The following MBD5 variants were observed in gnomAD, a reference collection of about 807,000 sequenced individuals.
MBD5 encodes methyl-CpG-binding domain protein 5.
A neutral mutation model predicts 117.3 loss-of-function variants in MBD5; 13 were observed. The ratio of observed to expected loss-of-function variants is 0.11; its 90% CI spans 0.07 to 0.18. MBD5 has a LOEUF of 0.18. Ranked by LOEUF, MBD5 falls within the 10% of genes least tolerant of loss-of-function variation. MBD5 has a pLI of 1.00. For missense variants in MBD5, 1,879 were observed against 2,093.8 expected (o/e 0.90, Z 2.00); for synonymous variants, 727 against 766.4 (o/e 0.95, Z 0.85).
At chr2:148,152,388 T>C (rs1697704296) in intron 1 of MBD5, among the ~76,000 whole-genome samples, 1 of 152,206 alleles carries the variant, frequency 6.6e-6, no homozygotes, top group African/African-American at 2.4e-5. Context: ...ATAGGTGTGG[T>C]GCGGTGCTGA....
chr2:148,083,731 G>A (rs927559490), intron 1 of MBD5, among the ~76,000 whole-genome samples: 1 of 152,040 alleles, frequency 6.6e-6, no homozygotes, highest in South Asian at 2.1e-4. Context: ...GGGTTCAAGT[G>A]ATTCTCCTGC....
At chr2:148,242,982 G>A (rs1700249570) in intron 3 of MBD5, among the ~76,000 whole-genome samples, 1 of 152,200 alleles carries the variant, frequency 6.6e-6, no homozygotes, top group African/African-American at 2.4e-5. Context: ...GAAACTGGTT[G>A]AGGTTGCATT....
intron 11 of MBD5, among the ~76,000 whole-genome samples, chr2:148,495,460 G>A (rs1038635704): frequency 2.6e-5 from 4 of 151,906 alleles, no homozygotes; most frequent in African/African-American, 9.7e-5. Flanking sequence ...TACTTTTTGA[G>A]CATCCTCCCA....
At chr2:148,439,850 T>TGCC (rs1423680372) in intron 4 of MBD5, among the ~76,000 whole-genome samples, 1 of 151,872 alleles carries the variant, frequency 6.6e-6, no homozygotes, top group Non-Finnish European at 1.5e-5. Context: ...GCATTCCTTC[T>TGCC]GCCTCAGTCT....
intron 4 of MBD5, among the ~76,000 whole-genome samples, chr2:148,411,939 A>G (rs990894505): frequency 1.5e-4 from 23 of 152,084 alleles, no homozygotes; most frequent in Middle Eastern, 3.4e-3. Context: ...GTCTAGAACG[A>G]TATTTCCAAG....
chr2:148,122,773 C>A (rs547909670), intron 1 of MBD5, among the ~76,000 whole-genome samples: 1 of 152,042 alleles, frequency 6.6e-6, no homozygotes, highest in African/African-American at 2.4e-5. Context: ...AGTGAATAAG[C>A]GAATAATTAT....
chr2:148,264,372 G>C (rs1700807231), intron 3 of MBD5: 1 of 152,234 alleles, frequency 6.6e-6, no homozygotes. Flanking sequence ...AATTAAGACT[G>C]AGAGAGGTTA....
intron 2 of MBD5, among the ~76,000 whole-genome samples, chr2:148,202,550 G>A (rs1699170984): frequency 6.6e-6 from 1 of 152,152 alleles, no homozygotes; most frequent in Non-Finnish European, 1.5e-5. Context: ...GGCCAGAAAT[G>A]TAAGGGGCTT....
intron 4 of MBD5, chr2:148,346,697 A>T (rs1156704523): frequency 6.6e-6 from 1 of 151,712 alleles, no homozygotes; most frequent in African/African-American, 2.4e-5. Context: ...GACTGATAAG[A>T]ATCATAATCA....
intron 1 of MBD5, among the ~76,000 whole-genome samples, chr2:148,163,504 C>T (rs1698057344): frequency 6.6e-6 from 1 of 152,094 alleles, no homozygotes; most frequent in African/African-American, 2.4e-5. Context: ...TCACTGCAAC[C>T]TCCCAGGTTC....
intron 12 of MBD5, among the ~76,000 whole-genome samples, chr2:148,507,431 T>C (rs756949417): frequency 6.6e-6 from 1 of 152,218 alleles, no homozygotes; most frequent in Non-Finnish European, 1.5e-5. Flanking sequence ...CAAATTATTG[T>C]AAGGATTAAA....
chr2:148,267,225 AACAG>A (rs2106326640), intron 3 of MBD5, among the ~76,000 whole-genome samples: 2 of 152,260 alleles, frequency 1.3e-5, no homozygotes, highest in Admixed American at 1.3e-4. Flanking sequence ...AAAAGAATAA[AACAG>A]ACAAATAGAT....
chr2:148,060,024 G>T (rs1489994615), intron 1 of MBD5, among the ~76,000 whole-genome samples: 1 of 146,724 alleles, frequency 6.8e-6, no homozygotes, highest in Non-Finnish European at 1.5e-5. Flanking sequence ...GGTGGCTTAT[G>T]CCTGTAATCC....
intron 4 of MBD5, among the ~76,000 whole-genome samples, chr2:148,345,438 T>A (rs1433819212): frequency 1.1e-5 from 1 of 87,058 alleles, no homozygotes; most frequent in African/African-American, 4.3e-5. Flanking sequence ...CATATACATA[T>A]GTATATACAC....
intron 11 of MBD5, among the ~76,000 whole-genome samples, chr2:148,495,975 G>A (rs1197341728): frequency 6.6e-6 from 1 of 152,202 alleles, no homozygotes; most frequent in African/African-American, 2.4e-5. Flanking sequence ...ACTTTGGGAG[G>A]TGCGTCCTCC....
intron 11 of MBD5, among the ~76,000 whole-genome samples, chr2:148,499,736 A>G (rs1306655139): frequency 6.6e-6 from 1 of 152,114 alleles, no homozygotes; most frequent in East Asian, 1.9e-4. Flanking sequence ...TTTACAAGGG[A>G]GTGTTCATTA....
chr2:148,089,826 A>C (rs1431800487), intron 1 of MBD5, among the ~76,000 whole-genome samples: 1 of 152,094 alleles, frequency 6.6e-6, no homozygotes, highest in East Asian at 1.9e-4. Context: ...CAACAGAAGA[A>C]AAGAAATAAC....
chr2:148,417,827 G>A (rs193111948), intron 4 of MBD5, among the ~76,000 whole-genome samples: 298 of 151,242 alleles, frequency 2.0e-3, no homozygotes, highest in Non-Finnish European at 3.4e-3. Flanking sequence ...TGTGCGGGGG[G>A]GTGTTTTTTG....
intron 4 of MBD5, among the ~76,000 whole-genome samples, chr2:148,439,407 C>G (rs1285579808): frequency 6.6e-6 from 1 of 151,994 alleles, no homozygotes; most frequent in Non-Finnish European, 1.5e-5. Context: ...TATGATAATA[C>G]TATATTAAAG....
Sources: allele counts gnomAD v4.1 joint callset (sites outside exome capture counted in the v4.1 genomes callset), GRCh38; gene constraint gnomAD v4.1.1; transcripts MANE v1.5; gene names NCBI Gene and HGNC (gene_info 2026-07-23, HGNC 2026-07-21).